The following TALDO1 variants were observed in gnomAD, a reference collection of about 807,000 sequenced individuals.
TALDO1 encodes transaldolase 1.
TALDO1 carries 29 observed loss-of-function variants against 38.1 expected under a neutral mutation model. The ratio of observed to expected loss-of-function variants is 0.76; its 90% confidence interval spans 0.57 to 1.04. The LOEUF (loss-of-function observed/expected upper bound fraction) is 1.04. Ranked by LOEUF, TALDO1 falls within the 50% of genes least tolerant of loss-of-function variation. The pLI is 0.00. For synonymous variants in TALDO1, 207 were observed against 176.8 expected (o/e 1.17, Z -1.36); for missense variants, 499 against 438.1 (o/e 1.14, Z -1.24).
rs886048664 is a variant in TALDO1 at position 763,370 on chromosome 11, A to T, written c.488A>T (p.His163Leu). 6.3e-7 allele frequency: 1 copy of T among 1,597,404 alleles called. No homozygotes were observed. The highest frequency in any genetic ancestry group is 1.1e-5 in the South Asian group (1 of 90,790). ...GAGCTCGAGGAGCAGCACGGCATCC[A>T]CTGCAACATGACGTTACTCTTCTCC... is the stretch of plus-strand genomic sequence containing the variant. ...GKELEEQHGIHCNMTLLFSFA... is the reference protein window; with the variant it reads ...GKELEEQHGILCNMTLLFSFA... The change falls in exon 5 of 8, where the codon CAC (histidine) becomes CTC (leucine). Residue 163 changes from histidine to leucine, a missense_variant. His to Leu is a moderately conservative substitution (Grantham distance 99). Coordinates refer to ENST00000319006, the MANE Select transcript of TALDO1 (RefSeq NM_006755.2).
At chr11:756,840 A>G (rs1490636636) in intron 2 of TALDO1, among the ~76,000 whole-genome samples, 1 of 152,068 alleles carries the variant, frequency 6.6e-6, no homozygotes, top group African/African-American at 2.4e-5. Context: ...AATAGCTTTT[A>G]TAACTCCCAG....
chr11:753,908 G>GAA (rs80004301), intron 1 of TALDO1, among the ~76,000 whole-genome samples: 2 of 131,398 alleles, frequency 1.5e-5, no homozygotes, highest in Admixed American at 7.7e-5. Flanking sequence ...CTCTGTGTCA[G>GAA]AAAAAAAAAA....
intron 1 of TALDO1, among the ~76,000 whole-genome samples, chr11:754,246 A>G (rs1240880039): frequency 6.6e-6 from 1 of 152,064 alleles, no homozygotes; most frequent in Non-Finnish European, 1.5e-5. Context: ...TGGCCTCCCA[A>G]AGTGCTGGGA....
intron 1 of TALDO1, among the ~76,000 whole-genome samples, chr11:755,063 C>G (rs1452347244): frequency 6.6e-6 from 1 of 151,144 alleles, no homozygotes; most frequent in Non-Finnish European, 1.5e-5. Flanking sequence ...TTAGAGGCCG[C>G]TTCAGCAACT....
intron 3 of TALDO1, among the ~76,000 whole-genome samples, chr11:759,436 A>G (rs1372071979): frequency 6.8e-6 from 1 of 147,220 alleles, no homozygotes; most frequent in East Asian, 2.1e-4. Flanking sequence ...AATTTGTTGT[A>G]TTTTTAATAG....
intron 1 of TALDO1, chr11:752,607 G>A (rs1044938474): frequency 6.6e-6 from 1 of 152,204 alleles, no homozygotes; most frequent in Non-Finnish European, 1.5e-5. Flanking sequence ...ACAGGGTTCA[G>A]GGAGCTTCCA....
At chr11:752,678 C>T (rs1188685100) in intron 1 of TALDO1, among the ~76,000 whole-genome samples, 6 of 152,084 alleles carry the variant, frequency 3.9e-5, no homozygotes, top group African/African-American at 9.7e-5. Context: ...ATGGAGGCAC[C>T]GTGCCCCTTC....
chr11:749,535 G>A (rs1178739305), intron 1 of TALDO1, among the ~76,000 whole-genome samples: 1 of 151,788 alleles, frequency 6.6e-6, no homozygotes, highest in Non-Finnish European at 1.5e-5. Flanking sequence ...TGTTGGGTTT[G>A]TGATCTGTAG....
At position 756,179 on chromosome 11, in the gene TALDO1, A is replaced by G. The variant is rs1053727823; in HGVS notation, c.221+177A>G. 1.3e-5 allele frequency: 12 copies of G among 890,350 alleles called. No homozygotes were observed. The East Asian group carries it at 3.2e-4, about 24-fold the overall frequency. 55.2% of individuals were successfully genotyped at this position (890,350 alleles called of 1,614,324 possible). A position where few individuals can be genotyped will look rare whatever the true frequency, so the allele number is the denominator to read the frequency against. ...GTGTAATCTGCATGAAGTAACCTGCACCTGTGGTAAATGAGCAGTTCAGAG... is the reference window on the plus strand; with the variant it reads ...GTGTAATCTGCATGAAGTAACCTGCGCCTGTGGTAAATGAGCAGTTCAGAG... On this transcript the variant is annotated intron_variant, in intron 2 of 7. Transcript: ENST00000319006.
intron 1 of TALDO1, among the ~76,000 whole-genome samples, chr11:749,101 ATTGTTTT>A (rs1326937782): frequency 1.3e-5 from 2 of 152,048 alleles, no homozygotes; most frequent in African/African-American, 4.8e-5. Flanking sequence ...TTTGTTTTGT[ATTGTTTT>A]TTAAGAAAAC....
intron 7 of TALDO1, 86 bp from the exon 8 acceptor site, chr11:764,726 CT>C: frequency 6.2e-7 from 1 of 1,602,984 alleles, no homozygotes; most frequent in Non-Finnish European, 8.5e-7. Context: ...CCACAAGGGC[CT>C]CCCTCCTTCC....
intron 1 of TALDO1, among the ~76,000 whole-genome samples, chr11:755,483 A>AT (rs1862819966): frequency 1.3e-5 from 2 of 152,238 alleles, no homozygotes; most frequent in South Asian, 2.1e-4. Context: ...GGGTATGGTG[A>AT]TAATGACCCA....
chr11:758,908 C>G, intron 2 of TALDO1, 42 bp from the exon 3 acceptor site: 2 of 1,570,164 alleles, frequency 1.3e-6, no homozygotes, highest in South Asian at 1.1e-5. Flanking sequence ...CCTGGCGAAC[C>G]TCAGAAGCTT....
intron 1 of TALDO1, among the ~76,000 whole-genome samples, chr11:747,920 G>A (rs973434340): frequency 3.9e-5 from 6 of 152,326 alleles, no homozygotes; most frequent in African/African-American, 1.4e-4. Flanking sequence ...GTACTGACGG[G>A]TCCTTGCGAG....
chr11:758,668 G>T (rs1240396175), intron 2 of TALDO1, among the ~76,000 whole-genome samples: 1 of 150,778 alleles, frequency 6.6e-6, no homozygotes, highest in Admixed American at 6.6e-5. Flanking sequence ...GCAGTGGCAC[G>T]ATCTCTGCTC....
At position 756,019 on chromosome 11, in the gene TALDO1, G is replaced by T; in HGVS notation, c.221+17G>T. The T allele has an allele frequency of 2.5e-6, 4 of 1,610,458 alleles. No homozygotes were observed. Among genetic ancestry groups the T allele is most frequent in the Non-Finnish European group, 2.5e-6 (3 of 1,178,824 alleles). On this transcript the variant is annotated intron_variant, in intron 2 of 7. Transcript: ENST00000319006. ...GCTGGGCGGGTGAGTGCCTGGACTC[G>T]GGAGGGTCCCAGCTAGGCCCTCGTG...
In TALDO1 at chr11:747,536, A is replaced by C. The variant is rs138232181; in HGVS notation, c.55A>C (p.Lys19Gln). 1.9e-4 allele frequency: 302 copies of C among 1,599,054 alleles called. No individual in the cohort carries two copies. In the African/African-American group the frequency reaches 3.5e-3, roughly 19 times the overall value. ...QRMESALDQL[K>Q]QFTTVVADTG... ...GATGGAGTCCGCGCTGGACCAGCTC[A>C]AGCAGTTCACCACCGTGGTGGCCGA... Residue 19 changes from lysine (K) to glutamine (Q), a missense_variant, in exon 1 of 8, where the codon AAG becomes CAG. By Grantham distance (53) the Lys-to-Gln change is moderately conservative. Coordinates refer to ENST00000319006, the MANE Select transcript of TALDO1 (RefSeq NM_006755.2).
chr11:749,954 C>G (rs546591001), intron 1 of TALDO1, among the ~76,000 whole-genome samples: 1 of 152,132 alleles, frequency 6.6e-6, no homozygotes, highest in South Asian at 2.1e-4. Context: ...TCCTGTGAAC[C>G]CTTCAACCAC....
chr11:755,421 G>A (rs2133573036), intron 1 of TALDO1, among the ~76,000 whole-genome samples: 1 of 152,290 alleles, frequency 6.6e-6, no homozygotes, highest in East Asian at 1.9e-4. Context: ...TGGGATTACA[G>A]GCGTGGGCCG....
Sources: gnomAD v4.1 joint callset for allele counts (sites outside exome capture counted in the v4.1 genomes callset) on GRCh38, gnomAD v4.1.1 for gene constraint, MANE v1.5 for transcripts, NCBI Gene and HGNC (gene_info 2026-07-23, HGNC 2026-07-21) for gene names.